CUEDC1: variants seen among roughly 807,000 people sequenced by gnomAD.
The protein encoded by CUEDC1 is CUE domain containing 1.
Under a neutral mutation model 43.7 loss-of-function variants are expected in CUEDC1, and 30 were observed. That is an observed-to-expected ratio of 0.69 (90% CI 0.51 to 0.93). The LOEUF (loss-of-function observed/expected upper bound fraction) is 0.93. Ranked by LOEUF, CUEDC1 falls within the 40% of genes least tolerant of loss-of-function variation. CUEDC1 has a pLI of 0.00. For synonymous variants in CUEDC1, 223 were observed against 223.6 expected, an observed-to-expected ratio of 1.00 and a Z score of 0.02; for missense variants, 486 against 549.0, an observed-to-expected ratio of 0.89 and a Z score of 1.15.
chr17:57,953,806 G>T (rs1227410179), intron 1 of CUEDC1, among the ~76,000 whole-genome samples: 1 of 152,162 alleles, frequency 6.6e-6, no homozygotes, highest in Non-Finnish European at 1.5e-5. Flanking sequence ...TGCCCAGGTC[G>T]GTAGCAGTAT....
At chr17:57,927,161 G>A (rs945895893) in intron 1 of CUEDC1, among the ~76,000 whole-genome samples, 17 of 152,190 alleles carry the variant, frequency 1.1e-4, no homozygotes, top group African/African-American at 4.1e-4. Flanking sequence ...CTGGGACAGA[G>A]AGTGGGGCTG....
chr17:57,885,391 G>A lies in CUEDC1; in HGVS notation c.174C>T (p.Phe58=), dbSNP rs939466947. 1 of 1,611,294 alleles carries A rather than the reference G, an allele frequency of 6.2e-7. No homozygotes were observed. Among genetic ancestry groups the A allele is most frequent in the Non-Finnish European group, 8.5e-7 (1 of 1,179,446 alleles). ...CGATGATGTCGTAATCCATGTTGGGGAACATGGTCTTGAAGTCGTCCATGG... is the reference window on the plus strand; with the variant it reads ...CGATGATGTCGTAATCCATGTTGGGAAACATGGTCTTGAAGTCGTCCATGG... ...NQAMDDFKTM[F]PNMDYDIIEC... Residue 58 remains phenylalanine (F), a synonymous_variant, in exon 2 of 11, where the codon TTC becomes TTT. Transcript: ENST00000577830.
intron 1 of CUEDC1, among the ~76,000 whole-genome samples, chr17:57,893,684 G>GA (rs1465640109): frequency 4.6e-5 from 7 of 152,236 alleles, no homozygotes; most frequent in African/African-American, 1.7e-4. Context: ...GAGAAAAGAG[G>GA]CCACTGGACC....
At chr17:57,931,381 T>C (rs2074802660) in intron 1 of CUEDC1, among the ~76,000 whole-genome samples, 1 of 152,192 alleles carries the variant, frequency 6.6e-6, no homozygotes, top group Non-Finnish European at 1.5e-5. Context: ...CAGTCGCTCA[T>C]TCATTCAAAA....
chr17:57,941,712 C>T (rs895518909), intron 1 of CUEDC1, among the ~76,000 whole-genome samples: 6 of 152,384 alleles, frequency 3.9e-5, no homozygotes, highest in Non-Finnish European at 5.9e-5. Context: ...ACTTAACCCT[C>T]AGCCTCAGTT....
At chr17:57,895,867 T>A (rs912328305) in intron 1 of CUEDC1, among the ~76,000 whole-genome samples, 2 of 152,234 alleles carry the variant, frequency 1.3e-5, no homozygotes, top group Non-Finnish European at 2.9e-5. Context: ...GAGCTCATAC[T>A]GGACCAGGCC....
chr17:57,906,104 T>C (rs1487857064), intron 1 of CUEDC1, among the ~76,000 whole-genome samples: 1 of 152,232 alleles, frequency 6.6e-6, no homozygotes, highest in East Asian at 1.9e-4. Context: ...TTCATGGGTA[T>C]ATAACCCAAC....
intron 1 of CUEDC1, among the ~76,000 whole-genome samples, chr17:57,925,686 T>A (rs2074740362): frequency 6.6e-6 from 1 of 152,028 alleles, no homozygotes; most frequent in Admixed American, 6.5e-5. Context: ...AGCTTCACCA[T>A]CTGGGGCACA....
chr17:57,861,813 C>CG lies in CUEDC1; in HGVS notation c.*1475_*1476insC, dbSNP rs58667355. ...AGGCACTCCTCGGAGACCCCCCCCCCTCCCTCCAGGGCCCCAGGCCTGGCG... is the reference window on the plus strand; with the variant it reads ...AGGCACTCCTCGGAGACCCCCCCCCCGTCCCTCCAGGGCCCCAGGCCTGGCG... On this transcript the variant is annotated 3_prime_UTR_variant, in exon 11 of 11. Coordinates refer to ENST00000577830, the MANE Select transcript of CUEDC1 (RefSeq NM_001271875.2). 1 of 150,432 alleles carries CG rather than the reference C, an allele frequency of 6.6e-6. No individual in the cohort carries two copies. Among genetic ancestry groups the CG allele is most frequent in the African/African-American group, 2.5e-5 (1 of 40,368 alleles). The allele number at this position is 150,432 out of a possible 1,614,324, so 9.3% of individuals were successfully genotyped here. A position where few individuals can be genotyped will look rare whatever the true frequency, so the allele number is the denominator to read the frequency against.
chr17:57,951,325 G>A (rs554448218), intron 1 of CUEDC1, among the ~76,000 whole-genome samples: 185 of 152,320 alleles, frequency 1.2e-3, no homozygotes, highest in African/African-American at 4.3e-3. Flanking sequence ...AAGTCTTAGA[G>A]TAAGATGGAG....
intron 1 of CUEDC1, among the ~76,000 whole-genome samples, chr17:57,891,524 A>C (rs899383732): frequency 1.3e-5 from 2 of 152,068 alleles, no homozygotes; most frequent in African/African-American, 4.8e-5. Flanking sequence ...CCTCTGCTCC[A>C]TGCCTCCCAA....
Position 57,864,090 on chromosome 17 carries a change from G to C in CUEDC1, c.*4-805C>G, listed in dbSNP as rs146232132. Among the ~76,000 whole-genome samples, 278 of 152,192 alleles carry C rather than the reference G, an allele frequency of 1.8e-3. 7 individuals carry two copies. In the East Asian group the frequency reaches 0.047, roughly 26 times the overall value. ...AAAATGGAACTAAAGTGGTGTTTTG[G>C]TGGTGGGATAATCAGAGTAGGTAGG... On this transcript the variant is annotated intron_variant, in intron 10 of 10. Transcript: ENST00000577830.
intron 3 of CUEDC1, among the ~76,000 whole-genome samples, chr17:57,876,726 G>C (rs1270181875): frequency 2.0e-5 from 3 of 152,230 alleles, no homozygotes; most frequent in African/African-American, 7.2e-5. Context: ...CTGGGGCAAA[G>C]GGATCTGTGC....
chr17:57,918,698 G>A (rs2074668979), intron 1 of CUEDC1, among the ~76,000 whole-genome samples: 1 of 152,212 alleles, frequency 6.6e-6, no homozygotes, highest in African/African-American at 2.4e-5. Context: ...GGCCAATTAG[G>A]AATTATGGTG....
chr17:57,951,080 G>C (rs1434073698), intron 1 of CUEDC1, among the ~76,000 whole-genome samples: 1 of 112,176 alleles, frequency 8.9e-6, no homozygotes, highest in Non-Finnish European at 1.7e-5. Flanking sequence ...GGTCCTCTCT[G>C]CTCATCATTC....
rs547596062 is a variant in CUEDC1, at chr17:57,930,842, G to C, written c.-316+24383C>G. On this transcript the variant is annotated intron_variant, in intron 1 of 10. Transcript: ENST00000577830. The surrounding 1 kb of genome is among the most constrained non-coding windows in gnomAD (Gnocchi z 4.2). ...GAGCCACAAACAGTCCAACTCCAAA[G>C]GGGAAATGGTCCCCATTTCCTGCAG... Among the ~76,000 whole-genome samples, 1 of 152,250 alleles carries C rather than the reference G, an allele frequency of 6.6e-6. No homozygotes were observed. The highest frequency in any genetic ancestry group is 2.1e-4 in the South Asian group (1 of 4,818).
intron 2 of CUEDC1, 132 bp from the exon 3 acceptor site, chr17:57,879,870 C>T (rs2074180442): frequency 5.5e-6 from 5 of 914,026 alleles, no homozygotes; most frequent in East Asian, 2.9e-5. Flanking sequence ...GAGTGTAAAT[C>T]GATACAATCA....
rs568152877 is a variant in CUEDC1, at chr17:57,864,602, G to A, written c.*4-1317C>T. Among the ~76,000 whole-genome samples, 27 of 152,250 alleles carry A rather than the reference G, an allele frequency of 1.8e-4. No individual in the cohort carries two copies. In the East Asian group the frequency reaches 4.4e-3, roughly 25 times the overall value. The stretch of plus-strand genomic sequence containing the variant: ...GGCCCTGAGCTGCTGGGTGACCTCC[G>A]AGTCAATCCGAGTGATGGGAGGGGC... On this transcript the variant is annotated intron_variant, in intron 10 of 10. Transcript: ENST00000577830.
chr17:57,869,073 C>T (rs1321865341), intron 7 of CUEDC1, 49 bp downstream of exon 7: 1 of 1,595,564 alleles, frequency 6.3e-7, no homozygotes, highest in East Asian at 2.2e-5. Context: ...GGCCACAGGG[C>T]CTGTCTCAGA....
Sources: allele counts gnomAD v4.1 joint callset (sites outside exome capture counted in the v4.1 genomes callset), GRCh38; gene constraint gnomAD v4.1.1; non-coding constraint Gnocchi (gnomAD v3.1); transcripts MANE v1.5; gene names NCBI Gene and HGNC (gene_info 2026-07-23, HGNC 2026-07-21).